SLC30A9: variants seen among roughly 807,000 people sequenced by gnomAD.
The protein encoded by SLC30A9 is proton-coupled zinc antiporter SLC30A9, mitochondrial.
A neutral mutation model predicts 87.5 loss-of-function variants in SLC30A9; 58 were observed. The ratio of observed to expected loss-of-function variants is 0.66; its 90% CI spans 0.54 to 0.82. The LOEUF is 0.82. SLC30A9 is among the 40% of genes least tolerant of loss of function. The pLI, the probability that SLC30A9 is intolerant of heterozygous loss-of-function variation, is 0.00. For synonymous variants in SLC30A9, 234 were observed against 233.0 expected, an observed-to-expected ratio of 1.00 and a Z score of -0.04; for missense variants, 557 against 679.1, an observed-to-expected ratio of 0.82 and a Z score of 2.00.
intron 7 of SLC30A9, among the ~76,000 whole-genome samples, chr4:42,037,050 C>T (rs971252401): frequency 2.5e-5 from 3 of 120,196 alleles, no homozygotes; most frequent in Non-Finnish European, 5.7e-5. Context: ...TTTGAATATT[C>T]CATGTTTTGA....
intron 8 of SLC30A9, among the ~76,000 whole-genome samples, chr4:42,044,023 A>G (rs953376280): frequency 3.9e-5 from 6 of 152,238 alleles, no homozygotes; most frequent in African/African-American, 1.4e-4. Flanking sequence ...AGATTTTATA[A>G]CCACCAGTCC....
rs1403992088 is a variant in SLC30A9, at chr4:42,087,569, G to A, written c.*1443G>A. The A allele has an allele frequency of 6.7e-6, 1 of 148,774 alleles. No homozygotes were observed. The highest frequency in any genetic ancestry group is 6.9e-5 in the Admixed American group (1 of 14,532). The allele number at this position is 148,774 out of a possible 1,614,324, so 9.2% of individuals were successfully genotyped here. On this transcript the variant is annotated 3_prime_UTR_variant, in exon 18 of 18. Transcript: ENST00000264451. ...CAGAAATCTCATTTACTGGAAAATTGTGAGACTTTACGTTGGTGTATTTTT... is the reference window on the plus strand; with the variant it reads ...CAGAAATCTCATTTACTGGAAAATTATGAGACTTTACGTTGGTGTATTTTT...
chr4:42,046,369 T>G (rs1229776437), intron 8 of SLC30A9, among the ~76,000 whole-genome samples: 1 of 152,226 alleles, frequency 6.6e-6, no homozygotes, highest in African/African-American at 2.4e-5. Flanking sequence ...CTTAAGCTGA[T>G]AAGCAACTTG....
intron 10 of SLC30A9, among the ~76,000 whole-genome samples, chr4:42,062,024 G>A (rs913674315): frequency 9.2e-5 from 14 of 151,430 alleles, no homozygotes; most frequent in Non-Finnish European, 1.8e-4. Context: ...GAGAAGCCCC[G>A]TCTCTACTAA....
chr4:42,082,678 T>A (rs1156469748), intron 17 of SLC30A9, among the ~76,000 whole-genome samples: 5 of 152,144 alleles, frequency 3.3e-5, no homozygotes, highest in African/African-American at 4.8e-5. Context: ...TGAAACCCCA[T>A]CTCTACTAAA....
At chr4:42,083,722 T>A (rs1356223421) in intron 17 of SLC30A9, among the ~76,000 whole-genome samples, 4 of 152,100 alleles carry the variant, frequency 2.6e-5, no homozygotes, top group Admixed American at 6.6e-5. Flanking sequence ...TAGGTAAGGG[T>A]TGATTGGAGT....
chr4:42,014,432 C>CT (rs1715606786), intron 2 of SLC30A9, among the ~76,000 whole-genome samples: 1 of 152,066 alleles, frequency 6.6e-6, no homozygotes, highest in Non-Finnish European at 1.5e-5. Context: ...TGGCATGTGC[C>CT]TGTAGTCCCA....
intron 5 of SLC30A9, 113 bp downstream of exon 5, chr4:42,023,043 G>T (rs1041389659): frequency 2.0e-5 from 12 of 602,072 alleles, no homozygotes; most frequent in Middle Eastern, 4.4e-4. Flanking sequence ...CAATATTTTT[G>T]TATTTGCAAA....
At chr4:42,069,411 G>A (rs1033265332) in intron 14 of SLC30A9, among the ~76,000 whole-genome samples, 5 of 152,052 alleles carry the variant, frequency 3.3e-5, no homozygotes, top group Non-Finnish European at 5.9e-5. Flanking sequence ...GTACATGAAT[G>A]TATATATTTA....
rs891485652 is a variant in SLC30A9 at position 41,992,384 on chromosome 4, A to T, written c.109+1624A>T. Among the ~76,000 whole-genome samples the T allele has an allele frequency of 2.6e-5, 4 of 152,152 alleles. 1 individual carries two copies. The highest frequency in any genetic ancestry group is 2.6e-4 in the Admixed American group (4 of 15,266). ...AAAAAGAAAAATGAATCATACGTTTATACTGTACTCCAGAATCCCCAAGTA... is the reference window on the plus strand; with the variant it reads ...AAAAAGAAAAATGAATCATACGTTTTTACTGTACTCCAGAATCCCCAAGTA... On this transcript the variant is annotated intron_variant, in intron 1 of 17. Transcript: ENST00000264451.
In SLC30A9 at chr4:42,088,939, A is replaced by G. The variant is rs2153142084; in HGVS notation, c.*2813A>G. The G allele has an allele frequency of 6.6e-6, 1 of 152,320 alleles. No homozygotes were observed. The highest frequency in any genetic ancestry group is 2.1e-4 in the South Asian group (1 of 4,818). 9.4% of individuals were successfully genotyped at this position (152,320 alleles called of 1,614,324 possible). A position where few individuals can be genotyped will look rare whatever the true frequency, so the allele number is the denominator to read the frequency against. ...AATGACAGAGTGAGATCCTGTCTCA[A>G]AAAGAGAATTTGGGTCTCTTTCTCC... On this transcript the variant is annotated 3_prime_UTR_variant, in exon 18 of 18. Transcript: ENST00000264451.
At position 42,067,146 on chromosome 4, in the gene SLC30A9, G is replaced by C; in HGVS notation, c.1206G>C (p.Leu402Phe). The C allele has an allele frequency of 6.2e-7, 1 of 1,612,684 alleles. No individual in the cohort carries two copies. Reference protein sequence around the residue: ...VILLEDTAAVLGVIIAATCMG... With the variant: ...VILLEDTAAVFGVIIAATCMG... ...TATTGGAGGATACTGCTGCAGTCTT[G>C]GGAGTTATAATAGCAGCCACTTGCA... The change falls in exon 14 of 18, where the codon TTG becomes TTC. Residue 402 changes from leucine (L) to phenylalanine (F), a missense_variant. Around this residue, in one of 2 missense-constraint regions of SLC30A9, gnomAD observed 467 missense variants for 529.8 expected, o/e 0.88. Transcript: ENST00000264451.
At chr4:42,048,844 T>C (rs535284300) in intron 8 of SLC30A9, among the ~76,000 whole-genome samples, 26 of 152,372 alleles carry the variant, frequency 1.7e-4, no homozygotes, top group African/African-American at 6.3e-4. Flanking sequence ...GTAATTTGCT[T>C]ACACATAGCA....
chr4:42,078,097 A>G, intron 16 of SLC30A9, 115 bp from the exon 17 acceptor site: 1 of 567,502 alleles, frequency 1.8e-6, no homozygotes, highest in Non-Finnish European at 3.1e-6. Context: ...AAAGTTTTAA[A>G]AATGTTCATT....
In SLC30A9 at chr4:42,047,214, G is replaced by A. The variant is rs188877423; in HGVS notation, c.738-2163G>A. 6.3e-3 allele frequency among the ~76,000 whole-genome samples: 954 copies of A among 152,282 alleles called. 4 individuals carry two copies. The highest frequency in any genetic ancestry group is 0.012 in the African/African-American group (512 of 41,556). On this transcript the variant is annotated intron_variant, in intron 8 of 17. Transcript: ENST00000264451. ...CACACCAAAAGCAATGGGAACAAAAGCCAAAATTGACAAATGGGATCTAAT... is the reference window on the plus strand; with the variant it reads ...CACACCAAAAGCAATGGGAACAAAAACCAAAATTGACAAATGGGATCTAAT...
At chr4:42,020,328 G>A in intron 3 of SLC30A9, 88 bp from the exon 4 acceptor site, 1 of 606,924 alleles carries the variant, frequency 1.6e-6, no homozygotes. Flanking sequence ...AAATTCATTA[G>A]TGAAGCCTCT....
chr4:42,049,156 G>T (rs1162293040), intron 8 of SLC30A9, among the ~76,000 whole-genome samples: 1 of 151,914 alleles, frequency 6.6e-6, no homozygotes, highest in Non-Finnish European at 1.5e-5. Context: ...TGTAGAGATG[G>T]GGTCTTACTT....
At chr4:42,032,050 G>T (rs183803383) in intron 6 of SLC30A9, among the ~76,000 whole-genome samples, 7 of 152,304 alleles carry the variant, frequency 4.6e-5, no homozygotes, top group Non-Finnish European at 1.0e-4. Flanking sequence ...GGCAAAGATG[G>T]AACAGGTATC....
rs1190461578 is a variant in SLC30A9, at chr4:42,022,992, T to C, written c.527+62T>C. The C allele has an allele frequency of 1.9e-5, 18 of 926,044 alleles. No homozygotes were observed. The South Asian group carries it at 3.1e-4, about 16-fold the overall frequency. 57.4% of individuals were successfully genotyped at this position (926,044 alleles called of 1,614,324 possible). On this transcript the variant is annotated intron_variant, in intron 5 of 17. Transcript: ENST00000264451. Reference sequence around the variant, plus strand: ...CAAATTTTGGATTAATAAAAATACATTTTAGACAGAGTCAGAATTTTTTAA... The same window carrying C: ...CAAATTTTGGATTAATAAAAATACACTTTAGACAGAGTCAGAATTTTTTAA...
Sources: gnomAD v4.1 joint callset for allele counts (sites outside exome capture counted in the v4.1 genomes callset) on GRCh38, gnomAD v4.1.1 for gene constraint, gnomAD v4.1.1 regional missense constraint, MANE v1.5 for transcripts, NCBI Gene and HGNC (gene_info 2026-07-23, HGNC 2026-07-21) for gene names.